The following TMEM98 variants were observed in gnomAD, a reference collection of about 807,000 sequenced individuals.
TMEM98 encodes the protein transmembrane protein 98.
Under a neutral mutation model 25.0 loss-of-function variants are expected in TMEM98, and 18 were observed. The observed-to-expected ratio is 0.72, with a 90% CI of 0.50 to 1.07. TMEM98 has a LOEUF of 1.07. Ranked by LOEUF, TMEM98 falls within the 50% of genes least tolerant of loss-of-function variation. The pLI, the probability that TMEM98 is intolerant of heterozygous loss-of-function variation, is 0.00. For synonymous variants in TMEM98, 103 were observed against 112.4 expected (o/e 0.92, Z 0.53); for missense variants, 241 against 289.0 (o/e 0.83, Z 1.20).
chr17:32,940,713 C>CT (rs1237325675), intron 7 of TMEM98, 73 bp from the exon 8 acceptor site: 2 of 1,422,664 alleles, frequency 1.4e-6, no homozygotes, highest in East Asian at 2.3e-5. Flanking sequence ...GTCAAAAAGT[C>CT]TATCTATTTG....
chr17:32,932,381 A>G (rs2091474697), intron 3 of TMEM98, among the ~76,000 whole-genome samples: 1 of 152,202 alleles, frequency 6.6e-6, no homozygotes, highest in South Asian at 2.1e-4. Context: ...GATTACAGGC[A>G]TGAGCCACCA....
Position 32,942,409 on chromosome 17 carries a change from A to C in TMEM98, c.*1416A>C, listed in dbSNP as rs1001808111. ...TGCTGTCAAGCATGTTTGGAGTTGC[A>C]CATCTGTTCCCATGTCATTTTCTCT... is the stretch of plus-strand genomic sequence containing the variant. On this transcript the variant is annotated 3_prime_UTR_variant, in exon 8 of 8. Coordinates refer to ENST00000579849, the MANE Select transcript of TMEM98 (RefSeq NM_015544.3). The C allele has an allele frequency of 6.6e-6, 1 of 152,240 alleles. No individual in the cohort carries two copies. The highest frequency in any genetic ancestry group is 1.5e-5 in the Non-Finnish European group (1 of 68,054). The allele number at this position is 152,240 out of a possible 1,614,324, so 9.4% of individuals were successfully genotyped here.
intron 1 of TMEM98, among the ~76,000 whole-genome samples, chr17:32,929,313 TCA>T (rs1010983919): frequency 6.6e-6 from 1 of 151,490 alleles, no homozygotes; most frequent in East Asian, 1.9e-4. Flanking sequence ...CACACTCAGC[TCA>T]CACACACCCA....
Position 32,934,286 on chromosome 17 carries a change from C to T in TMEM98, c.264-5C>T, listed in dbSNP as rs376636066. 8 of 1,614,084 alleles carry T rather than the reference C, an allele frequency of 5.0e-6. No individual in the cohort carries two copies. The highest frequency in any genetic ancestry group is 5.9e-6 in the Non-Finnish European group (7 of 1,180,012). On this transcript the variant is annotated splice_region_variant and splice_polypyrimidine_tract_variant and intron_variant, in intron 4 of 7. Transcript: ENST00000579849. Reference sequence around the variant, plus strand: ...AGCACTGATGACTTCTTCTTGTTTCCCCAGGGGTCTCATGTCCCACTGCAT... The same window carrying T: ...AGCACTGATGACTTCTTCTTGTTTCTCCAGGGGTCTCATGTCCCACTGCAT...
chr17:32,931,269 T>G (rs2091467428), intron 1 of TMEM98, 58 bp from the exon 2 acceptor site: 1 of 399,972 alleles, frequency 2.5e-6, no homozygotes, highest in African/African-American at 2.1e-5. Flanking sequence ...CAAATTCTTC[T>G]GAGAAAGGAA....
intron 6 of TMEM98, among the ~76,000 whole-genome samples, chr17:32,936,737 C>G (rs996736956): frequency 2.0e-5 from 3 of 152,184 alleles, no homozygotes; most frequent in Non-Finnish European, 4.4e-5. Flanking sequence ...CTGCAGAGCC[C>G]GTGGCCGCCC....
At chr17:32,939,121 A>G (rs753006333) in intron 6 of TMEM98, among the ~76,000 whole-genome samples, 14 of 152,178 alleles carry the variant, frequency 9.2e-5, no homozygotes, top group Non-Finnish European at 1.3e-4. Flanking sequence ...AAAGGAAGGA[A>G]GGGGCCAGGC....
At position 32,943,357 on chromosome 17, in the gene TMEM98, TCCTC is replaced by T. The variant is rs2091540318; in HGVS notation, c.*2368_*2371del. ...CCTTCGGGAGTTGGCTGAAGTTACT[TCCTC>T]CCTTGGAAGGGGCTGGTTAGTGAGT... On this transcript the variant is annotated 3_prime_UTR_variant, in exon 8 of 8. Coordinates refer to ENST00000579849, the MANE Select transcript of TMEM98 (RefSeq NM_015544.3). 6.6e-6 allele frequency: 1 copy of T among 152,112 alleles called. No homozygotes were observed. Among genetic ancestry groups the T allele is most frequent in the Non-Finnish European group, 1.5e-5 (1 of 68,028 alleles). 9.4% of individuals were successfully genotyped at this position (152,112 alleles called of 1,614,324 possible).
chr17:32,934,509 A>C, intron 5 of TMEM98, 185 bp downstream of exon 5: 68 of 627,922 alleles, frequency 1.1e-4, no homozygotes, highest in East Asian at 2.3e-4. Context: ...ACAGAATCTC[A>C]AGGCTGTTTC....
intron 6 of TMEM98, 65 bp downstream of exon 6, chr17:32,936,512 G>A (rs878994702): frequency 2.1e-6 from 3 of 1,410,424 alleles, no homozygotes; most frequent in East Asian, 4.6e-5. Flanking sequence ...GGAAGCTGGG[G>A]TAGCCGCAGA....
chr17:32,933,140 C>T lies in TMEM98; in HGVS notation c.132-34C>T, dbSNP rs570743189. ...GAGAGGATCAGCAGCGGTCACCCAC[C>T]ATGAAACCATTTAACGGGGGCCTTT... On this transcript the variant is annotated intron_variant, in intron 3 of 7. Transcript: ENST00000579849. 216 of 1,612,490 alleles carry T rather than the reference C, an allele frequency of 1.3e-4. 1 individual carries two copies. In the South Asian group the frequency reaches 2.3e-3, roughly 17 times the overall value.
Position 32,929,113 on chromosome 17 carries a change from T to A in TMEM98, c.-131+876T>A, listed in dbSNP as rs2091451134. On this transcript the variant is annotated intron_variant, in intron 1 of 7. Transcript: ENST00000579849. Reference sequence around the variant, plus strand: ...TCAGCTCACACCCACTCAAGCACACTCAAGATAAACAGCTCACACAAGCAC... The same window carrying A: ...TCAGCTCACACCCACTCAAGCACACACAAGATAAACAGCTCACACAAGCAC... Among the ~76,000 whole-genome samples the A allele has an allele frequency of 2.0e-5, 3 of 148,858 alleles. No individual in the cohort carries two copies. The South Asian group carries it at 6.4e-4, about 32-fold the overall frequency.
intron 4 of TMEM98, 137 bp from the exon 5 acceptor site, chr17:32,934,154 C>T (rs2091483678): frequency 2.2e-6 from 2 of 896,902 alleles, no homozygotes; most frequent in South Asian, 2.9e-5. Flanking sequence ...TTCATGTTGA[C>T]ACTGAGGCAT....
At position 32,934,201 on chromosome 17, in the gene TMEM98, C is replaced by T. The variant is rs750054523; in HGVS notation, c.264-90C>T. 164 of 1,451,994 alleles carry T rather than the reference C, an allele frequency of 1.1e-4. 1 individual carries two copies. The highest frequency in any genetic ancestry group is 1.7e-4 in the Admixed American group (10 of 59,218). The allele number at this position is 1,451,994 out of a possible 1,614,324, so 89.9% of individuals were successfully genotyped here. A position where few individuals can be genotyped will look rare whatever the true frequency, so the allele number is the denominator to read the frequency against. On this transcript the variant is annotated intron_variant, in intron 4 of 7. Transcript: ENST00000579849. ...GTGGTTGGTATTGGGCTGTGCCCAC[C>T]GGTCAGGGCAAGTTGAGAAGCAAGG...
intron 3 of TMEM98, 92 bp from the exon 4 acceptor site, chr17:32,933,082 A>G: frequency 6.5e-7 from 1 of 1,531,336 alleles, no homozygotes; most frequent in East Asian, 2.3e-5. Context: ...TGACTCCCTT[A>G]CTTCTTTTAT....
intron 6 of TMEM98, among the ~76,000 whole-genome samples, chr17:32,937,058 A>G (rs370643034): frequency 6.1e-4 from 93 of 152,352 alleles, no homozygotes; most frequent in African/African-American, 2.2e-3. Flanking sequence ...CGTGAGGAAA[A>G]ATAAAGCCCT....
chr17:32,934,864 A>G (rs923712314), intron 5 of TMEM98, among the ~76,000 whole-genome samples: 1 of 152,234 alleles, frequency 6.6e-6, no homozygotes, highest in African/African-American at 2.4e-5. Context: ...TTTTTCTTTG[A>G]AAGCCTGGAA....
chr17:32,929,855 C>T (rs937517704), intron 1 of TMEM98, among the ~76,000 whole-genome samples: 4 of 152,164 alleles, frequency 2.6e-5, no homozygotes, highest in African/African-American at 9.7e-5. Context: ...GTCATGCAAG[C>T]ACAGTTACTC....
Position 32,930,410 on chromosome 17 carries a change from C to G in TMEM98, c.-130-917C>G, listed in dbSNP as rs572913412. Among the ~76,000 whole-genome samples the G allele has an allele frequency of 2.0e-5, 3 of 152,266 alleles. No homozygotes were observed. The South Asian group carries it at 6.2e-4, about 32-fold the overall frequency. ...TTCTGTGCACTAGTATATACAAATGCACGGACTTCTTTCATTCTTCTTTTG... is the reference window on the plus strand; with the variant it reads ...TTCTGTGCACTAGTATATACAAATGGACGGACTTCTTTCATTCTTCTTTTG... On this transcript the variant is annotated intron_variant, in intron 1 of 7. Coordinates refer to ENST00000579849, the MANE Select transcript of TMEM98 (RefSeq NM_015544.3).
Sources: gnomAD v4.1 joint callset for allele counts (sites outside exome capture counted in the v4.1 genomes callset) on GRCh38, gnomAD v4.1.1 for gene constraint, MANE v1.5 for transcripts, NCBI Gene and HGNC (gene_info 2026-07-23, HGNC 2026-07-21) for gene names.